HMGN5: variants seen among roughly 807,000 people sequenced by gnomAD.
HMGN5 encodes the protein high mobility group nucleosome-binding domain-containing protein 5.
HMGN5 carries 4 observed loss-of-function variants against 9.5 expected under a neutral mutation model. The observed-to-expected ratio is 0.42, with a 90% CI of 0.21 to 0.96. The LOEUF (loss-of-function observed/expected upper bound fraction) is 0.96, where lower values mean the gene tolerates loss of function less well. Ranked by LOEUF, HMGN5 falls within the 40% of genes least tolerant of loss-of-function variation. The probability of loss-of-function intolerance (pLI) is 0.30; values close to 1 mark genes in which losing one functional copy is unlikely to be tolerated. For synonymous variants in HMGN5, 55 were observed against 57.1 expected (o/e 0.96, Z 0.16); for missense variants, 192 against 187.5 (o/e 1.02, Z -0.14).
intron 1 of HMGN5, among the ~76,000 whole-genome samples, chrX:81,146,252 T>C (rs769791446): frequency 1.8e-5 from 2 of 111,635 alleles, no homozygotes; most frequent in Admixed American, 9.5e-5. Context: ...TAATTGGAAG[T>C]AAAACACTCC....
chrX:81,173,735 T>C (rs2075433485), intron 1 of HMGN5, among the ~76,000 whole-genome samples: 1 of 111,914 alleles, frequency 8.9e-6, no homozygotes, highest in African/African-American at 3.2e-5. Context: ...TCCTAAAGTG[T>C]AGAAATCTTG....
intron 1 of HMGN5, among the ~76,000 whole-genome samples, chrX:81,164,408 A>C (rs1036611846): frequency 4.6e-5 from 5 of 109,508 alleles, no homozygotes; most frequent in African/African-American, 1.7e-4. Context: ...CCTTACCCTC[A>C]CTCTCTCTAA....
intron 1 of HMGN5, among the ~76,000 whole-genome samples, chrX:81,170,014 A>G (rs1315380104): frequency 2.0e-5 from 2 of 101,312 alleles, no homozygotes; most frequent in East Asian, 3.1e-4. Flanking sequence ...ACAACGCCCC[A>G]CTGCACTCCA....
At chrX:81,147,917 A>G (rs760362588) in intron 1 of HMGN5, among the ~76,000 whole-genome samples, 1 of 111,650 alleles carries the variant, frequency 9.0e-6, no homozygotes, top group African/African-American at 3.3e-5. Context: ...TAGGAATCCA[A>G]CTTACAGGGG....
At chrX:81,148,331 C>T (rs945526841) in intron 1 of HMGN5, among the ~76,000 whole-genome samples, 3 of 111,652 alleles carry the variant, frequency 2.7e-5, no homozygotes, top group Non-Finnish European at 3.8e-5. Context: ...ACACCACACA[C>T]CTACAACCAT....
chrX:81,179,170 C>A (rs1268736107), intron 1 of HMGN5, among the ~76,000 whole-genome samples: 1 of 111,782 alleles, frequency 8.9e-6, no homozygotes, highest in Non-Finnish European at 1.9e-5. Flanking sequence ...CTCACCACTC[C>A]TATTCAACAT....
intron 1 of HMGN5, among the ~76,000 whole-genome samples, chrX:81,200,241 A>T (rs1359257332): frequency 2.7e-5 from 3 of 111,976 alleles, no homozygotes; most frequent in Non-Finnish European, 5.6e-5. Flanking sequence ...GAGAAATAGG[A>T]ATGCTTTTAT....
chrX:81,132,765 C>T (rs2075301185), intron 1 of HMGN5, among the ~76,000 whole-genome samples: 1 of 111,624 alleles, frequency 9.0e-6, no homozygotes, highest in African/African-American at 3.3e-5. Flanking sequence ...TAGGCAATGA[C>T]ATCCTTGAAA....
At chrX:81,193,112 T>C (rs2075498562) in intron 1 of HMGN5, among the ~76,000 whole-genome samples, 1 of 111,503 alleles carries the variant, frequency 9.0e-6, no homozygotes, top group Non-Finnish European at 1.9e-5. Flanking sequence ...TCCTTTGGAG[T>C]CCATTCAAGT....
At chrX:81,138,432 C>T (rs933430715) in intron 1 of HMGN5, among the ~76,000 whole-genome samples, 21 of 111,392 alleles carry the variant, frequency 1.9e-4, no homozygotes, top group African/African-American at 6.5e-4. Context: ...GCACATTTGA[C>T]AAAATTCCAC....
At chrX:81,133,929 G>A (rs776700581) in intron 1 of HMGN5, among the ~76,000 whole-genome samples, 3 of 111,468 alleles carry the variant, frequency 2.7e-5, no homozygotes, top group East Asian at 5.6e-4. Context: ...TTACTTCAAT[G>A]TTTCAAATAA....
chrX:81,167,350 T>C (rs763306441), intron 1 of HMGN5, among the ~76,000 whole-genome samples: 2 of 110,288 alleles, frequency 1.8e-5, no homozygotes, highest in South Asian at 3.9e-4. Context: ...ACCTTGGGGA[T>C]TGGTGACTCT....
chrX:81,160,099 C>T (rs2075394312), intron 1 of HMGN5, among the ~76,000 whole-genome samples: 2 of 111,409 alleles, frequency 1.8e-5, no homozygotes, highest in African/African-American at 6.5e-5. Context: ...TGAAGACAGC[C>T]CATTCAGAAT....
chrX:81,190,055 T>C (rs778542464), intron 1 of HMGN5, among the ~76,000 whole-genome samples: 3 of 112,416 alleles, frequency 2.7e-5, no homozygotes, highest in African/African-American at 9.7e-5. Context: ...TTGCTTAAGA[T>C]CTTTGGCCCA....
At chrX:81,201,167 A>C (rs2075525688) in intron 1 of HMGN5, among the ~76,000 whole-genome samples, 1 of 110,478 alleles carries the variant, frequency 9.1e-6, no homozygotes, top group African/African-American at 3.3e-5. Context: ...AAGGAAAAGA[A>C]GTAGGACAAG....
intron 1 of HMGN5, among the ~76,000 whole-genome samples, chrX:81,137,943 G>A (rs1246450722): frequency 1.8e-5 from 2 of 111,572 alleles, no homozygotes; most frequent in Admixed American, 1.9e-4. Context: ...AATTTTACCA[G>A]TTATAAGAAA....
At chrX:81,176,075 A>G (rs777121457) in intron 1 of HMGN5, among the ~76,000 whole-genome samples, 53 of 111,633 alleles carry the variant, frequency 4.7e-4, no homozygotes, top group African/African-American at 1.7e-3. Context: ...GGAAGCTTCC[A>G]GAGGAAGGAT....
chrX:81,197,305 CAAA>C (rs1470791456), intron 1 of HMGN5, among the ~76,000 whole-genome samples: 7 of 111,921 alleles, frequency 6.3e-5, no homozygotes, highest in Non-Finnish European at 1.3e-4. Flanking sequence ...GAAATTTTTA[CAAA>C]TAGTAAACTT....
At chrX:81,199,367 G>T (rs1179043167) in intron 1 of HMGN5, among the ~76,000 whole-genome samples, 1 of 112,140 alleles carries the variant, frequency 8.9e-6, no homozygotes, top group East Asian at 2.8e-4. Context: ...TCACAGAATT[G>T]GAAAAAACTA....
Sources: gnomAD v4.1 joint callset for allele counts (sites outside exome capture counted in the v4.1 genomes callset) on GRCh38, gnomAD v4.1.1 for gene constraint, MANE v1.5 for transcripts, NCBI Gene and HGNC (gene_info 2026-07-23, HGNC 2026-07-21) for gene names.